PHF21B: variants seen among roughly 807,000 people sequenced by gnomAD.
PHF21B encodes the protein PHD finger protein 21B, also known as PHD finger protein 4.
In PHF21B, 22 loss-of-function variants were observed where a neutral mutation model predicts 62.2. The ratio of observed to expected loss-of-function variants is 0.35; its 90% CI spans 0.25 to 0.51. PHF21B has a LOEUF of 0.51. Among genes scored for constraint, PHF21B ranks in the 20% least tolerant of loss-of-function variants. The pLI, the probability that PHF21B is intolerant of heterozygous loss-of-function variation, is 0.97. For missense variants in PHF21B, 701 were observed against 707.9 expected, an observed-to-expected ratio of 0.99 and a Z score of 0.11; for synonymous variants, 341 against 314.7, an observed-to-expected ratio of 1.08 and a Z score of -0.88.
chr22:44,945,011 G>A (rs1009802640), intron 2 of PHF21B, among the ~76,000 whole-genome samples: 11 of 116,894 alleles, frequency 9.4e-5, no homozygotes, highest in Non-Finnish European at 1.8e-4. Context: ...CCTGCATACC[G>A]GGCTGCGCCT....
At position 44,926,307 on chromosome 22, in the gene PHF21B, C is replaced by T. The variant is rs549562557; in HGVS notation, c.121-5817G>A. 3.1e-4 allele frequency among the ~76,000 whole-genome samples: 47 copies of T among 152,356 alleles called. No homozygotes were observed. The South Asian group carries it at 9.3e-3, about 30-fold the overall frequency. ...CGGTGGATTCCCGAGGCAGGTTCCC[C>T]GTAAGTGTGTGCATGAGGGGCAGGC... On this transcript the variant is annotated intron_variant, in intron 2 of 12. Coordinates refer to ENST00000313237, the MANE Select transcript of PHF21B (RefSeq NM_138415.5).
chr22:44,989,191 G>A (rs1461888081), intron 2 of PHF21B: 1 of 152,202 alleles, frequency 6.6e-6, no homozygotes, highest in Admixed American at 6.5e-5. Flanking sequence ...AAAGCAGCCT[G>A]GTCAGGAGAC....
intron 3 of PHF21B, among the ~76,000 whole-genome samples, chr22:44,917,148 C>G (rs915572990): frequency 1.3e-5 from 2 of 152,332 alleles, no homozygotes; most frequent in East Asian, 1.9e-4. Flanking sequence ...CTGCGGCGGG[C>G]CTGACAGTGA....
At chr22:44,990,229 G>T (rs1347302550) in intron 2 of PHF21B, among the ~76,000 whole-genome samples, 1 of 152,214 alleles carries the variant, frequency 6.6e-6, no homozygotes. Context: ...GATGACACAG[G>T]CAACCAACCC....
intron 10 of PHF21B, among the ~76,000 whole-genome samples, chr22:44,886,392 CAAAAAAAAAAAA>C (rs61502377): frequency 3.8e-5 from 2 of 53,168 alleles, no homozygotes; most frequent in African/African-American, 7.0e-5. Flanking sequence ...GAAGAAGAGG[CAAAAAAAAAAAA>C]AAAAAAAAAA....
rs916812837 is a variant in PHF21B at position 44,893,343 on chromosome 22, C to A, written c.960+114G>T. The A allele has an allele frequency of 5.2e-6, 5 of 968,088 alleles. No homozygotes were observed. In the African/African-American group the frequency reaches 6.5e-5, roughly 13 times the overall value. The allele number at this position is 968,088 out of a possible 1,614,324, so 60.0% of individuals were successfully genotyped here. ...CCCCCAGCCCCACTCCCAGGAGGGA[C>A]AGACGAGGGGGGTGCTTAGGAAAGC... On this transcript the variant is annotated intron_variant, in intron 7 of 12. Transcript: ENST00000313237.
At chr22:44,960,776 G>T (rs2072402281) in intron 2 of PHF21B, among the ~76,000 whole-genome samples, 1 of 152,134 alleles carries the variant, frequency 6.6e-6, no homozygotes, top group Non-Finnish European at 1.5e-5. Flanking sequence ...CTGTCTGCCT[G>T]CACTCAGCCT....
chr22:44,916,770 C>G, intron 3 of PHF21B, 140 bp from the exon 4 acceptor site: 1 of 814,462 alleles, frequency 1.2e-6, no homozygotes, highest in Non-Finnish European at 2.0e-6. Context: ...CACGGCCTCA[C>G]AGCAGGTGAG....
At position 44,923,400 on chromosome 22, in the gene PHF21B, G is replaced by A. The variant is rs1039107513; in HGVS notation, c.121-2910C>T. ...AGGGACCAAAACTATAAAACTGCTC[G>A]AACAAAATGTCTCAAATAAAATGTA... is the stretch of plus-strand genomic sequence containing the variant. On this transcript the variant is annotated intron_variant, in intron 2 of 12. Transcript: ENST00000313237. Among the ~76,000 whole-genome samples the A allele has an allele frequency of 6.0e-5, 9 of 148,812 alleles. No individual in the cohort carries two copies. In the South Asian group the frequency reaches 6.3e-4, roughly 10 times the overall value.
chr22:44,963,230 C>A (rs753625057), intron 2 of PHF21B, among the ~76,000 whole-genome samples: 3 of 152,240 alleles, frequency 2.0e-5, no homozygotes, highest in Non-Finnish European at 4.4e-5. Context: ...CACATCACTG[C>A]AGCAGCCCCG....
Position 44,881,216 on chromosome 22 carries a change from G to C in PHF21B, c.*1870C>G, listed in dbSNP as rs931594185. 1 of 152,636 alleles carries C rather than the reference G, an allele frequency of 6.6e-6. No homozygotes were observed. The highest frequency in any genetic ancestry group is 2.4e-5 in the African/African-American group (1 of 41,446). The allele number at this position is 152,636 out of a possible 1,614,324, so 9.5% of individuals were successfully genotyped here. On this transcript the variant is annotated 3_prime_UTR_variant, in exon 13 of 13. Coordinates refer to ENST00000313237, the MANE Select transcript of PHF21B (RefSeq NM_138415.5). ...TGTAAAGAAGGAAAACTACATTGGC[G>C]TATTTAAGACAAACACTTTTTCTCT...
intron 8 of PHF21B, among the ~76,000 whole-genome samples, chr22:44,890,948 C>A (rs2070952396): frequency 6.6e-6 from 1 of 152,242 alleles, no homozygotes; most frequent in African/African-American, 2.4e-5. Context: ...AGGCGCCAGC[C>A]CAGCCCAGGG....
At chr22:44,909,384 G>T (rs1305867424) in intron 5 of PHF21B, among the ~76,000 whole-genome samples, 1 of 152,200 alleles carries the variant, frequency 6.6e-6, no homozygotes, top group African/African-American at 2.4e-5. Context: ...GCCGAGCCAG[G>T]GCCTCACAGT....
intron 2 of PHF21B, among the ~76,000 whole-genome samples, chr22:44,956,778 G>C (rs969289659): frequency 7.2e-5 from 11 of 152,164 alleles, no homozygotes; most frequent in African/African-American, 2.7e-4. Flanking sequence ...ATCCACTTTG[G>C]AAACAGAAAA....
intron 2 of PHF21B, among the ~76,000 whole-genome samples, chr22:44,975,381 A>T (rs567099117): frequency 6.6e-6 from 1 of 151,968 alleles, no homozygotes; most frequent in Non-Finnish European, 1.5e-5. Flanking sequence ...TCACAGAGCC[A>T]TAAGAGGCCC....
At chr22:44,942,566 G>A (rs946498057) in intron 2 of PHF21B, among the ~76,000 whole-genome samples, 1 of 152,176 alleles carries the variant, frequency 6.6e-6, no homozygotes, top group Admixed American at 6.5e-5. Flanking sequence ...TGACTGCAGA[G>A]CCCATGTGTG....
At chr22:44,941,854 C>A (rs192405403) in intron 2 of PHF21B, among the ~76,000 whole-genome samples, 1 of 152,302 alleles carries the variant, frequency 6.6e-6, no homozygotes, top group East Asian at 1.9e-4. Flanking sequence ...GCAGCACCCA[C>A]CCCAGGTACA....
Position 44,974,853 on chromosome 22 carries a change from T to C in PHF21B, c.120+33692A>G, listed in dbSNP as rs1013143614. On this transcript the variant is annotated intron_variant, in intron 2 of 12. Coordinates refer to ENST00000313237, the MANE Select transcript of PHF21B (RefSeq NM_138415.5). Reference sequence around the variant, plus strand: ...CAATTTGTTTCAATGAATAGCGTAATATTCTCTGTTATTGAAAATTCTGAT... The same window carrying C: ...CAATTTGTTTCAATGAATAGCGTAACATTCTCTGTTATTGAAAATTCTGAT... Among the ~76,000 whole-genome samples the C allele has an allele frequency of 1.7e-4, 26 of 152,234 alleles. 1 individual carries two copies. Among genetic ancestry groups the C allele is most frequent in the African/African-American group, 6.3e-4 (26 of 41,462 alleles).
At chr22:44,954,188 GT>G (rs2072249055) in intron 2 of PHF21B, among the ~76,000 whole-genome samples, 1 of 151,074 alleles carries the variant, frequency 6.6e-6, no homozygotes, top group Non-Finnish European at 1.5e-5. Flanking sequence ...TTTCTTTCTT[GT>G]TGTTAAAAAA....
Sources: gnomAD v4.1 joint callset for allele counts (sites outside exome capture counted in the v4.1 genomes callset) on GRCh38, gnomAD v4.1.1 for gene constraint, MANE v1.5 for transcripts, NCBI Gene and HGNC (gene_info 2026-07-23, HGNC 2026-07-21) for gene names.